ZC3H3: variants seen among roughly 807,000 people sequenced by gnomAD.
ZC3H3 encodes zinc finger CCCH domain-containing protein 3.
Under a neutral mutation model 77.3 loss-of-function variants are expected in ZC3H3, and 36 were observed. That is an observed-to-expected ratio of 0.47 (90% confidence interval 0.36 to 0.61). ZC3H3 has a LOEUF of 0.61. ZC3H3 is among the 20% of genes least tolerant of loss of function. The pLI is 0.00. For missense variants in ZC3H3, 1,331 were observed against 1,312.2 expected (o/e 1.01, Z -0.22); for synonymous variants, 626 against 555.2 (o/e 1.13, Z -1.79).
At chr8:143,522,374 C>T (rs1268828622) in intron 3 of ZC3H3, among the ~76,000 whole-genome samples, 2 of 149,936 alleles carry the variant, frequency 1.3e-5, no homozygotes, top group Admixed American at 6.6e-5. Context: ...AGGCCAAGGC[C>T]GGAGGATTAC....
chr8:143,526,394 C>G (rs1822413603), intron 3 of ZC3H3, among the ~76,000 whole-genome samples: 1 of 152,264 alleles, frequency 6.6e-6, no homozygotes, highest in African/African-American at 2.4e-5. Context: ...CCTGGGGCTG[C>G]TTCCTCTCCC....
intron 4 of ZC3H3, among the ~76,000 whole-genome samples, chr8:143,499,372 G>A (rs1038453867): frequency 2.6e-4 from 38 of 147,660 alleles, no homozygotes; most frequent in African/African-American, 7.6e-4. Flanking sequence ...AGCCCCTCCC[G>A]CCCAGCAGCC....
rs557871782 is a variant in ZC3H3 at position 143,533,581 on chromosome 8, C to T, written c.1561+2676G>A. On this transcript the variant is annotated intron_variant, in intron 3 of 11. Coordinates refer to ENST00000262577, the MANE Select transcript of ZC3H3 (RefSeq NM_015117.3). The surrounding 1 kb of genome is among the most constrained non-coding windows in gnomAD (Gnocchi z 4.0). Reference sequence around the variant, plus strand: ...GCTGCCAGGCACAGTGACTCAACCACGCTTGCCAGTTGGGCCAGTGGTGGG... The same window carrying T: ...GCTGCCAGGCACAGTGACTCAACCATGCTTGCCAGTTGGGCCAGTGGTGGG... 3.3e-5 allele frequency among the ~76,000 whole-genome samples: 5 copies of T among 152,208 alleles called. No individual in the cohort carries two copies. Among genetic ancestry groups the T allele is most frequent in the African/African-American group, 9.6e-5 (4 of 41,524 alleles).
At chr8:143,483,134 G>A (rs1820952507) in intron 4 of ZC3H3, among the ~76,000 whole-genome samples, 1 of 152,254 alleles carries the variant, frequency 6.6e-6, no homozygotes, top group African/African-American at 2.4e-5. Flanking sequence ...GTCAGCAGAA[G>A]AGGAGCGGCC....
intron 4 of ZC3H3, among the ~76,000 whole-genome samples, chr8:143,502,239 G>A (rs568191942): frequency 1.3e-5 from 2 of 152,380 alleles, no homozygotes; most frequent in South Asian, 2.1e-4. Flanking sequence ...TGTGTGACAC[G>A]GCCCCAGCCG....
Position 143,538,362 on chromosome 8 carries a change from C to T in ZC3H3, c.1005G>A (p.Glu335=), listed in dbSNP as rs777884976. ...RRALSPRVAA[E]NVCKASAGMA... is the part of the protein sequence containing the mutation. Reference sequence around the variant, plus strand: ...TGCCAGCAGAGGCCTTGCACACATTCTCTGCAGCCACTCTGGGACTGAGGG... The same window carrying T: ...TGCCAGCAGAGGCCTTGCACACATTTTCTGCAGCCACTCTGGGACTGAGGG... The change falls in exon 2 of 12, where the codon GAG becomes GAA. Residue 335 remains glutamate, a synonymous_variant. Transcript: ENST00000262577. 33 of 1,612,950 alleles carry T rather than the reference C, an allele frequency of 2.0e-5. No homozygotes were observed. Among genetic ancestry groups the T allele is most frequent in the South Asian group, 3.3e-5 (3 of 91,090 alleles).
At chr8:143,515,241 C>G (rs1209960580) in intron 3 of ZC3H3, among the ~76,000 whole-genome samples, 1 of 152,248 alleles carries the variant, frequency 6.6e-6, no homozygotes, top group Non-Finnish European at 1.5e-5. Context: ...CATCTAGACA[C>G]CGAGCAGGGC....
chr8:143,519,565 G>A (rs1004874629), intron 3 of ZC3H3, among the ~76,000 whole-genome samples: 2 of 152,166 alleles, frequency 1.3e-5, no homozygotes, highest in African/African-American at 4.8e-5. Context: ...AGCCCCAAGC[G>A]GCAGGCAGGA....
At chr8:143,443,752 G>T (rs966940882) in intron 9 of ZC3H3, among the ~76,000 whole-genome samples, 1 of 152,222 alleles carries the variant, frequency 6.6e-6, no homozygotes, top group Non-Finnish European at 1.5e-5. Context: ...TGTTGGGAAC[G>T]CTAAGCGTGT....
intron 9 of ZC3H3, among the ~76,000 whole-genome samples, chr8:143,451,782 TA>T (rs547990960): frequency 0.2 from 22,226 of 112,392 alleles, 1,833 homozygotes; most frequent in South Asian, 0.33. Flanking sequence ...AGACTCTGCC[TA>T]AAAAAAAAAA....
intron 3 of ZC3H3, among the ~76,000 whole-genome samples, chr8:143,510,225 G>A (rs887407491): frequency 5.3e-5 from 8 of 152,200 alleles, no homozygotes; most frequent in Admixed American, 4.6e-4. Context: ...TATTCTGCAC[G>A]TCACCTAGAT....
chr8:143,473,810 G>A (rs1241497092), intron 5 of ZC3H3, among the ~76,000 whole-genome samples: 1 of 152,202 alleles, frequency 6.6e-6, no homozygotes, highest in Non-Finnish European at 1.5e-5. Flanking sequence ...TGGCTCACAT[G>A]GCTGGTGGCT....
intron 5 of ZC3H3, among the ~76,000 whole-genome samples, chr8:143,470,683 A>AG (rs1820538954): frequency 6.6e-6 from 1 of 152,246 alleles, no homozygotes. Flanking sequence ...GTGCAGCAGG[A>AG]GGGGTTACCT....
Position 143,460,269 on chromosome 8 carries a change from T to C in ZC3H3, c.2307+5448A>G, listed in dbSNP as rs892893067. ...TCTCAAAAATAAATAAATAAATAAATAAATAAATAAATAAATAAATAAAAG... is the reference window on the plus strand; with the variant it reads ...TCTCAAAAATAAATAAATAAATAAACAAATAAATAAATAAATAAATAAAAG... On this transcript the variant is annotated intron_variant, in intron 9 of 11. Transcript: ENST00000262577. The surrounding 1 kb of genome is among the most constrained non-coding windows in gnomAD (Gnocchi z 4.0). Among the ~76,000 whole-genome samples the C allele has an allele frequency of 1.5e-4, 22 of 150,500 alleles. No individual in the cohort carries two copies. Among genetic ancestry groups the C allele is most frequent in the African/African-American group, 4.9e-4 (20 of 41,106 alleles).
chr8:143,507,674 C>A, intron 4 of ZC3H3, 72 bp downstream of exon 4: 3 of 1,408,044 alleles, frequency 2.1e-6, no homozygotes, highest in Non-Finnish European at 2.8e-6. Context: ...TGGATTCTAC[C>A]CTGCAGCCCT....
chr8:143,440,479 CAGAG>C (rs1819711613), intron 10 of ZC3H3, 116 bp from the exon 11 acceptor site: 1 of 1,435,186 alleles, frequency 7.0e-7, no homozygotes, highest in Non-Finnish European at 9.1e-7. Context: ...GGTCTCAGGG[CAGAG>C]CTGGAGGCAC....
intron 4 of ZC3H3, chr8:143,485,082 G>A (rs975810529): frequency 1.1e-5 from 3 of 274,578 alleles, no homozygotes; most frequent in Non-Finnish European, 2.2e-5. Flanking sequence ...AACATACAAA[G>A]AAGAGAAGCC....
chr8:143,517,604 G>A lies in ZC3H3; in HGVS notation c.1562-9705C>T, dbSNP rs1459580433. ...CACTGGGGCCCAGGGCACGTGCTCT[G>A]TGAACGACGTCTCCCAAGCTCTCCC... On this transcript the variant is annotated intron_variant, in intron 3 of 11. Coordinates refer to ENST00000262577, the MANE Select transcript of ZC3H3 (RefSeq NM_015117.3). Among the ~76,000 whole-genome samples, 3 of 152,166 alleles carry A rather than the reference G, an allele frequency of 2.0e-5. No individual in the cohort carries two copies. In the East Asian group the frequency reaches 5.8e-4, roughly 29 times the overall value.
At chr8:143,537,247 T>A (rs1352125750) in intron 2 of ZC3H3, among the ~76,000 whole-genome samples, 1 of 152,140 alleles carries the variant, frequency 6.6e-6, no homozygotes, top group East Asian at 1.9e-4. Flanking sequence ...GCCAAGCAAG[T>A]GAGTGACTCT....
Sources: gnomAD v4.1 joint callset for allele counts (sites outside exome capture counted in the v4.1 genomes callset) on GRCh38, gnomAD v4.1.1 for gene constraint, Gnocchi (gnomAD v3.1) non-coding constraint, MANE v1.5 for transcripts, NCBI Gene and HGNC (gene_info 2026-07-23, HGNC 2026-07-21) for gene names.